SGCZ: variants seen among roughly 807,000 people sequenced by gnomAD.
The protein encoded by SGCZ is sarcoglycan zeta.
In SGCZ, 40 loss-of-function variants were observed where a neutral mutation model predicts 41.3. The observed-to-expected ratio is 0.97, with a 90% CI of 0.75 to 1.26. The LOEUF (loss-of-function observed/expected upper bound fraction) is 1.26. Ranked by LOEUF, SGCZ falls within the 50% of genes most tolerant of loss-of-function variation. The pLI is 0.00. For synonymous variants in SGCZ, 206 were observed against 137.5 expected, an observed-to-expected ratio of 1.50 and a Z score of -3.49; for missense variants, 552 against 369.8, an observed-to-expected ratio of 1.49 and a Z score of -4.04.
intron 1 of SGCZ, among the ~76,000 whole-genome samples, chr8:14,818,074 GC>G (rs1249770262): frequency 1.3e-5 from 2 of 152,062 alleles, no homozygotes; most frequent in African/African-American, 4.8e-5. Context: ...GCCCTTCTGT[GC>G]CCAGCCCACC....
intron 2 of SGCZ, among the ~76,000 whole-genome samples, chr8:14,448,697 A>G (rs1460342825): frequency 8.8e-6 from 1 of 114,150 alleles, no homozygotes. Flanking sequence ...ATGTTTTCTT[A>G]GTATGTTAGG....
intron 2 of SGCZ, among the ~76,000 whole-genome samples, chr8:14,443,839 C>T (rs1177665186): frequency 1.3e-5 from 2 of 152,238 alleles, no homozygotes; most frequent in East Asian, 3.9e-4. Context: ...AGAGCTTCTG[C>T]ACAGCAAAAG....
At chr8:14,886,987 A>G (rs536148969) in intron 1 of SGCZ, among the ~76,000 whole-genome samples, 2 of 152,244 alleles carry the variant, frequency 1.3e-5, no homozygotes, top group East Asian at 3.9e-4. Context: ...CAAGAGGTCA[A>G]CGATGACGTC....
rs150330042 is a variant in SGCZ at position 14,735,760 on chromosome 8, C to A, written c.40-180834G>T. ...GAGAATCCTGACTGATACATACCTA[C>A]TAATATTAATATAAATATATTAGTA... On this transcript the variant is annotated intron_variant, in intron 1 of 7. Transcript: ENST00000382080. Among the ~76,000 whole-genome samples the A allele has an allele frequency of 3.7e-3, 561 of 152,162 alleles. 6 individuals are homozygous for A. Among genetic ancestry groups the A allele is most frequent in the African/African-American group, 0.013 (536 of 41,534 alleles).
chr8:15,085,135 T>C (rs1805902030), intron 1 of SGCZ, among the ~76,000 whole-genome samples: 1 of 152,176 alleles, frequency 6.6e-6, no homozygotes, highest in Non-Finnish European at 1.5e-5. Flanking sequence ...GTTAAATAAC[T>C]TTGACAAATG....
chr8:14,179,418 C>T (rs143440355), intron 4 of SGCZ, among the ~76,000 whole-genome samples: 8 of 152,298 alleles, frequency 5.3e-5, no homozygotes, highest in African/African-American at 1.9e-4. Context: ...TTCGCCTTTG[C>T]TTAGGAGGGC....
chr8:14,260,344 C>A lies in SGCZ; in HGVS notation c.337-22665G>T, dbSNP rs574142653. 1.4e-3 allele frequency among the ~76,000 whole-genome samples: 212 copies of A among 150,476 alleles called. 2 individuals are homozygous for A. In the South Asian group the frequency reaches 0.028, roughly 20 times the overall value. ...TTATGCAGCCAAAAAACACATGAAA[C>A]AATGCTCATCATCACTGGCCATCAG... On this transcript the variant is annotated intron_variant, in intron 3 of 7. Transcript: ENST00000382080.
At chr8:14,898,191 C>T (rs1168646863) in intron 1 of SGCZ, among the ~76,000 whole-genome samples, 1 of 152,078 alleles carries the variant, frequency 6.6e-6, no homozygotes, top group East Asian at 1.9e-4. Flanking sequence ...CTCAAGAGAT[C>T]CTCCCACCTC....
rs369485639 is a variant in SGCZ, at chr8:14,760,985, T to C, written c.40-206059A>G. On this transcript the variant is annotated intron_variant, in intron 1 of 7. Transcript: ENST00000382080. The stretch of plus-strand genomic sequence containing the variant: ...TTGTTAAACTGTTGGATGTCAGATG[T>C]AGGTCAGAAGAAGCGGTGGTGGGGA... 4.6e-3 allele frequency among the ~76,000 whole-genome samples: 697 copies of C among 152,324 alleles called. 1 individual carries two copies. The highest frequency in any genetic ancestry group is 0.011 in the East Asian group (56 of 5,178).
At chr8:15,191,928 G>C (rs1281096287) in intron 1 of SGCZ, among the ~76,000 whole-genome samples, 1 of 151,966 alleles carries the variant, frequency 6.6e-6, no homozygotes, top group Non-Finnish European at 1.5e-5. Flanking sequence ...TTGAGATTTA[G>C]CTCTCATTAT....
intron 1 of SGCZ, among the ~76,000 whole-genome samples, chr8:15,221,870 A>G (rs1487721214): frequency 6.6e-6 from 1 of 152,186 alleles, no homozygotes; most frequent in Non-Finnish European, 1.5e-5. Flanking sequence ...CAGTACTTCA[A>G]AAAATACCAT....
intron 6 of SGCZ, among the ~76,000 whole-genome samples, chr8:14,103,968 C>T (rs1802124060): frequency 6.6e-6 from 1 of 152,138 alleles, no homozygotes. Flanking sequence ...TAGAACTACG[C>T]AGACTCTTAG....
chr8:14,640,649 G>GGT (rs3068698), intron 1 of SGCZ, among the ~76,000 whole-genome samples: 13,593 of 149,894 alleles, frequency 0.091, 868 homozygotes, highest in African/African-American at 0.18. Flanking sequence ...TATATATAGG[G>GGT]GTGTGTGTGT....
chr8:14,103,101 C>T (rs1440032258), intron 6 of SGCZ, among the ~76,000 whole-genome samples: 1 of 152,026 alleles, frequency 6.6e-6, no homozygotes, highest in African/African-American at 2.4e-5. Context: ...CGTGAAATGT[C>T]CACAGAATGA....
intron 1 of SGCZ, among the ~76,000 whole-genome samples, chr8:14,898,284 G>A (rs1805278369): frequency 6.6e-6 from 1 of 152,078 alleles, no homozygotes; most frequent in Non-Finnish European, 1.5e-5. Context: ...AAAGGAGGAG[G>A]AAAGATCCAG....
chr8:15,154,609 G>A (rs1234951995), intron 1 of SGCZ, among the ~76,000 whole-genome samples: 2 of 152,186 alleles, frequency 1.3e-5, no homozygotes, highest in African/African-American at 2.4e-5. Flanking sequence ...GCCACCATAT[G>A]CTCTGAGTTG....
chr8:14,646,158 A>G (rs1369248318), intron 1 of SGCZ, among the ~76,000 whole-genome samples: 4 of 151,936 alleles, frequency 2.6e-5, no homozygotes, highest in Non-Finnish European at 5.9e-5. Context: ...GCACCCAGAT[A>G]CTGAGCACAG....
chr8:14,843,180 C>CCAG (rs1443643788), intron 1 of SGCZ, among the ~76,000 whole-genome samples: 1 of 152,062 alleles, frequency 6.6e-6, no homozygotes, highest in Non-Finnish European at 1.5e-5. Flanking sequence ...CCACTGCACT[C>CCAG]CAGCCTGGGC....
chr8:14,448,496 T>C (rs972595764), intron 2 of SGCZ, among the ~76,000 whole-genome samples: 1 of 152,154 alleles, frequency 6.6e-6, no homozygotes, highest in African/African-American at 2.4e-5. Context: ...AAAAATAGGA[T>C]AGTGATATTA....
Sources: gnomAD v4.1 joint callset for allele counts (sites outside exome capture counted in the v4.1 genomes callset) on GRCh38, gnomAD v4.1.1 for gene constraint, MANE v1.5 for transcripts, NCBI Gene and HGNC (gene_info 2026-07-23, HGNC 2026-07-21) for gene names.